The following UGT2B17 variants were observed in gnomAD, a reference collection of about 807,000 sequenced individuals.
The protein encoded by UGT2B17 is UDP glucuronosyltransferase family 2 member B17.
A neutral mutation model predicts 48.2 loss-of-function variants in UGT2B17; 21 were observed. That is an observed-to-expected ratio of 0.44 (90% confidence interval 0.31 to 0.63). The LOEUF (loss-of-function observed/expected upper bound fraction) is 0.63, where lower values mean the gene tolerates loss of function less well. Ranked by LOEUF, UGT2B17 falls within the 20% of genes least tolerant of loss-of-function variation. The pLI is 0.08. For missense variants in UGT2B17, 402 were observed against 696.1 expected (o/e 0.58, Z 4.75); for synonymous variants, 146 against 238.4 (o/e 0.61, Z 3.57).
Position 68,554,536 on chromosome 4 carries a change from G to C in UGT2B17, c.1006-2625C>G, listed in dbSNP as rs1403384926. ...AACAGGTTTTTGTCTGCAAGCTGGT[G>C]ATTTTTTTTTATCTCATAGCTAAAT... On this transcript the variant is annotated intron_variant, in intron 4 of 6. Transcript: ENST00000317746. Among the ~76,000 whole-genome samples the C allele has an allele frequency of 3.5e-4, 44 of 125,024 alleles. 12 individuals carry two copies. The Admixed American group carries it at 3.6e-3, about 10-fold the overall frequency. 82.0% of individuals were successfully genotyped at this position (125,024 alleles called of 152,430 possible).
chr4:68,550,869 G>A lies in UGT2B17; in HGVS notation c.1121C>T (p.Thr374Ile), dbSNP rs771336312. 18 of 1,375,412 alleles carry A rather than the reference G, an allele frequency of 1.3e-5. 4 individuals carry two copies. The highest frequency in any genetic ancestry group is 8.5e-6 in the Non-Finnish European group (9 of 1,056,370). The allele number at this position is 1,375,412 out of a possible 1,614,324, so 85.2% of individuals were successfully genotyped here. A position where few individuals can be genotyped will look rare whatever the true frequency, so the allele number is the denominator to read the frequency against. The change falls in exon 6 of 7, where the codon ACT becomes ATT. Residue 374 changes from threonine (T) to isoleucine (I), a missense_variant. Thr to Ile is a moderately conservative substitution (Grantham distance 89, BLOSUM62 -1). Transcript: ENST00000317746. ...ATAGATGCCATTGGTTCCACCATGA[G>A]TTATAAAAGCTTTGGTTTTGGGATG... ...LGHPKTKAFI[T>I]HGGTNGIYEA... is the part of the protein sequence containing the mutation.
rs376751040 is a variant in UGT2B17 at position 68,568,446 on chromosome 4, C to T, written c.39G>A (p.Gln13=). ...LKWMSVFLLM[Q]LSCYFSSGSC... ...TCCCAGAGCTAAAGTAACAACTGAG[C>T]TGCATCAGCAGAAAGACTGACATCC... The change falls in exon 2 of 7, where the codon CAG becomes CAA. Residue 13 remains glutamine (Q), a synonymous_variant. Coordinates refer to ENST00000317746, the MANE Select transcript of UGT2B17 (RefSeq NM_001077.4). The T allele has an allele frequency of 1.5e-6, 2 of 1,364,246 alleles. No individual in the cohort carries two copies. The highest frequency in any genetic ancestry group is 9.5e-7 in the Non-Finnish European group (1 of 1,051,210). 84.5% of individuals were successfully genotyped at this position (1,364,246 alleles called of 1,614,324 possible). A position where few individuals can be genotyped will look rare whatever the true frequency, so the allele number is the denominator to read the frequency against.
rs1317486976 is a variant in UGT2B17, at chr4:68,546,751, C to A, written c.1313+3926G>T. ...AGTCTCAGGATAAAAAATCAATGTG[C>A]AAAAATCACAAGCATTCTTATACAC... On this transcript the variant is annotated intron_variant, in intron 6 of 6. Coordinates refer to ENST00000317746, the MANE Select transcript of UGT2B17 (RefSeq NM_001077.4). 3.2e-5 allele frequency among the ~76,000 whole-genome samples: 4 copies of A among 125,062 alleles called. 1 individual carries two copies. Among genetic ancestry groups the A allele is most frequent in the African/African-American group, 1.1e-4 (4 of 36,672 alleles). 82.0% of individuals were successfully genotyped at this position (125,062 alleles called of 152,430 possible).
intron 4 of UGT2B17, 141 bp from the exon 5 acceptor site, chr4:68,552,052 T>C: frequency 1.8e-6 from 1 of 559,160 alleles, no homozygotes; most frequent in Non-Finnish European, 2.6e-6. Context: ...TAATGAGAAC[T>C]ACTAAAAGTC....
At chr4:68,566,540 G>A (rs1320972444) in intron 2 of UGT2B17, among the ~76,000 whole-genome samples, 1 of 130,460 alleles carries the variant, frequency 7.7e-6, no homozygotes, top group Admixed American at 7.9e-5. Flanking sequence ...AGTTTTATAA[G>A]TGTCTGGTAT....
intron 4 of UGT2B17, among the ~76,000 whole-genome samples, chr4:68,556,773 T>C (rs577111160): frequency 1.6e-5 from 2 of 126,108 alleles, no homozygotes; most frequent in African/African-American, 5.4e-5. Flanking sequence ...TTAGGGCTTA[T>C]TGTTTGGCAA....
At chr4:68,551,002 A>C (rs538250507) in intron 5 of UGT2B17, 106 bp from the exon 6 acceptor site, 1 of 755,738 alleles carries the variant, frequency 1.3e-6, no homozygotes, top group African/African-American at 1.8e-5. Flanking sequence ...CCTAGGTAAC[A>C]TTATACCCAC....
chr4:68,568,607 T>G lies in UGT2B17; in HGVS notation c.-64-59A>C. ...GCTAAAATTTGAGTTGACCTCATAT[T>G]TATTTTAGTGTGTTTGGTGTTCTTT... is the stretch of plus-strand genomic sequence containing the variant. On this transcript the variant is annotated intron_variant, in intron 1 of 6. Coordinates refer to ENST00000317746, the MANE Select transcript of UGT2B17 (RefSeq NM_001077.4). 1.1e-5 allele frequency: 12 copies of G among 1,110,034 alleles called. 3 individuals carry two copies. Among genetic ancestry groups the G allele is most frequent in the Non-Finnish European group, 1.4e-5 (12 of 876,664 alleles). The allele number at this position is 1,110,034 out of a possible 1,614,324, so 68.8% of individuals were successfully genotyped here.
At chr4:68,554,744 C>T (rs1483900150) in intron 4 of UGT2B17, among the ~76,000 whole-genome samples, 1 of 125,586 alleles carries the variant, frequency 8.0e-6, no homozygotes, top group African/African-American at 2.7e-5. Context: ...TTGATTTTCA[C>T]CTGAATGGTT....
At position 68,544,847 on chromosome 4, in the gene UGT2B17, C is replaced by T. The variant is rs1197521670; in HGVS notation, c.1313+5830G>A. ...CCAGCAAAGATCAAAAGAGACAAGG[C>T]CATTACATAATGGTAAAGGGATCAA... On this transcript the variant is annotated intron_variant, in intron 6 of 6. Coordinates refer to ENST00000317746, the MANE Select transcript of UGT2B17 (RefSeq NM_001077.4). Among the ~76,000 whole-genome samples, 6 of 125,554 alleles carry T rather than the reference C, an allele frequency of 4.8e-5. 1 individual carries two copies. Among genetic ancestry groups the T allele is most frequent in the Admixed American group, 1.6e-4 (2 of 12,290 alleles). 82.4% of individuals were successfully genotyped at this position (125,554 alleles called of 152,430 possible).
chr4:68,575,547 T>C (rs1731358762), intron 1 of UGT2B17, among the ~76,000 whole-genome samples: 1 of 125,650 alleles, frequency 8.0e-6, no homozygotes, highest in Non-Finnish European at 1.7e-5. Context: ...TTGTGCCTGA[T>C]CTATGTTTTT....
intron 6 of UGT2B17, among the ~76,000 whole-genome samples, chr4:68,538,364 A>G (rs1730592278): frequency 8.0e-6 from 1 of 124,380 alleles, no homozygotes; most frequent in African/African-American, 2.8e-5. Flanking sequence ...CCTCATGAGA[A>G]GCTGGGGCTA....
chr4:68,556,621 T>G (rs1175953278), intron 4 of UGT2B17, among the ~76,000 whole-genome samples: 4 of 126,410 alleles, frequency 3.2e-5, no homozygotes, highest in Non-Finnish European at 5.1e-5. Context: ...AAGGTTTTCT[T>G]GAAGCATAAA....
rs745780501 is a variant in UGT2B17, at chr4:68,568,034, C to T, written c.451G>A (p.Ala151Thr). 5 of 1,382,554 alleles carry T rather than the reference C, an allele frequency of 3.6e-6. 1 individual carries two copies. Among genetic ancestry groups the T allele is most frequent in the Non-Finnish European group, 4.7e-6 (5 of 1,055,422 alleles). 85.6% of individuals were successfully genotyped at this position (1,382,554 alleles called of 1,614,324 possible). A position where few individuals can be genotyped will look rare whatever the true frequency, so the allele number is the denominator to read the frequency against. ...TCACCACAGGGATTAACGGCATCTG[C>T]CAGAAGGACATCAAATTTTGACTCT... ...LQESKFDVLL[A>T]DAVNPCGELL... The change falls in exon 2 of 7, where the codon GCA (alanine) becomes ACA (threonine). Residue 151 changes from alanine (A) to threonine (T), a missense_variant. Around this residue, in one of 5 missense-constraint regions of UGT2B17, gnomAD observed 84 missense variants for 92.6 expected, o/e 0.91. Transcript: ENST00000317746.
rs1397414783 is a variant in UGT2B17, at chr4:68,570,094, A to G, written c.-64-1546T>C. The stretch of plus-strand genomic sequence containing the variant: ...GCATGTGTAGCAGGATGAGCCACAG[A>G]CAAAACTTCTCAGACACCAAGTTGT... On this transcript the variant is annotated intron_variant, in intron 1 of 6. Transcript: ENST00000317746. Among the ~76,000 whole-genome samples the G allele has an allele frequency of 3.2e-5, 4 of 126,556 alleles. 1 individual carries two copies. The highest frequency in any genetic ancestry group is 1.1e-4 in the African/African-American group (4 of 36,940). 83.0% of individuals were successfully genotyped at this position (126,556 alleles called of 152,430 possible).
At position 68,537,587 on chromosome 4, in the gene UGT2B17, C is replaced by T. The variant is rs780048045; in HGVS notation, c.*38G>A. On this transcript the variant is annotated 3_prime_UTR_variant, in exon 7 of 7. Transcript: ENST00000317746. Reference sequence around the variant, plus strand: ...TCCATGCTGGAATAAAGGAGGAGTCCCATCTTTTGGTCATTCCACTTCAGG... The same window carrying T: ...TCCATGCTGGAATAAAGGAGGAGTCTCATCTTTTGGTCATTCCACTTCAGG... The T allele has an allele frequency of 1.7e-4, 217 of 1,295,284 alleles. 48 individuals carry two copies. The highest frequency in any genetic ancestry group is 2.1e-4 in the Non-Finnish European group (211 of 1,007,162). 80.2% of individuals were successfully genotyped at this position (1,295,284 alleles called of 1,614,324 possible). A position where few individuals can be genotyped will look rare whatever the true frequency, so the allele number is the denominator to read the frequency against.
At chr4:68,567,449 A>G (rs1017665598) in intron 2 of UGT2B17, among the ~76,000 whole-genome samples, 1 of 126,714 alleles carries the variant, frequency 7.9e-6, no homozygotes, top group Non-Finnish European at 1.7e-5. Context: ...TGTTTCTTGA[A>G]GTATCTATTG....
Position 68,544,625 on chromosome 4 carries a change from C to T in UGT2B17, c.1313+6052G>A, listed in dbSNP as rs1360913137. Among the ~76,000 whole-genome samples, 7 of 125,618 alleles carry T rather than the reference C, an allele frequency of 5.6e-5. 2 individuals carry two copies. Among genetic ancestry groups the T allele is most frequent in the Admixed American group, 1.6e-4 (2 of 12,256 alleles). 82.4% of individuals were successfully genotyped at this position (125,618 alleles called of 152,430 possible). On this transcript the variant is annotated intron_variant, in intron 6 of 6. Coordinates refer to ENST00000317746, the MANE Select transcript of UGT2B17 (RefSeq NM_001077.4). ...ACCTTAAATGTAAATGGGTTAAATGCTAGAATTAAAAGACACAGACTGGCA... is the reference window on the plus strand; with the variant it reads ...ACCTTAAATGTAAATGGGTTAAATGTTAGAATTAAAAGACACAGACTGGCA...
chr4:68,564,548 C>G (rs1731164556), intron 3 of UGT2B17, among the ~76,000 whole-genome samples: 1 of 124,006 alleles, frequency 8.1e-6, no homozygotes, highest in Non-Finnish European at 1.7e-5. Flanking sequence ...CTCGGCCTCC[C>G]AAAGTGCTGG....
Sources: gnomAD v4.1 joint callset for allele counts (sites outside exome capture counted in the v4.1 genomes callset) on GRCh38, gnomAD v4.1.1 for gene constraint, gnomAD v4.1.1 regional missense constraint, MANE v1.5 for transcripts, NCBI Gene and HGNC (gene_info 2026-07-23, HGNC 2026-07-21) for gene names.